ARHGEF28: variants seen among roughly 807,000 people sequenced by gnomAD.
ARHGEF28 encodes Rho guanine nucleotide exchange factor 28, also known as 190 kDa guanine nucleotide exchange factor.
Under a neutral mutation model 206.6 loss-of-function variants are expected in ARHGEF28, and 152 were observed. That is an observed-to-expected ratio of 0.74 (90% CI 0.64 to 0.84). The LOEUF is 0.84. Among genes scored for constraint, ARHGEF28 ranks in the 40% least tolerant of loss-of-function variants. The probability of loss-of-function intolerance (pLI) is 0.00; values close to 1 mark genes in which losing one functional copy is unlikely to be tolerated. For synonymous variants in ARHGEF28, 763 were observed against 776.4 expected (o/e 0.98, Z 0.29); for missense variants, 2,028 against 2,073.2 (o/e 0.98, Z 0.42).
At chr5:73,746,182 T>G (rs991791134) in intron 2 of ARHGEF28, among the ~76,000 whole-genome samples, 4 of 152,102 alleles carry the variant, frequency 2.6e-5, no homozygotes, top group South Asian at 2.1e-4. Flanking sequence ...TTCTAGAATT[T>G]TATTCTAAAA....
At chr5:73,846,060 A>G (rs1758332837) in intron 11 of ARHGEF28, among the ~76,000 whole-genome samples, 1 of 151,874 alleles carries the variant, frequency 6.6e-6, no homozygotes, top group African/African-American at 2.4e-5. Context: ...CTAGGTAGGA[A>G]TGTTCATTCG....
intron 3 of ARHGEF28, among the ~76,000 whole-genome samples, chr5:73,752,175 G>A (rs1580567782): frequency 6.6e-6 from 1 of 152,242 alleles, no homozygotes; most frequent in African/African-American, 2.4e-5. Flanking sequence ...TCTGCCAAGG[G>A]CAGCATAAAA....
intron 4 of ARHGEF28, among the ~76,000 whole-genome samples, chr5:73,769,789 C>A (rs933432956): frequency 1.8e-4 from 28 of 152,116 alleles, no homozygotes; most frequent in Non-Finnish European, 7.4e-5. Context: ...GTTCTGGAGA[C>A]CTTGGTTAAT....
intron 1 of ARHGEF28, among the ~76,000 whole-genome samples, chr5:73,684,479 A>G (rs1043678290): frequency 2.0e-5 from 3 of 152,216 alleles, no homozygotes; most frequent in African/African-American, 4.8e-5. Context: ...CCATCCGTCA[A>G]TGGACATTTG....
intron 1 of ARHGEF28, among the ~76,000 whole-genome samples, chr5:73,656,345 A>C (rs759672073): frequency 3.3e-5 from 5 of 152,204 alleles, no homozygotes; most frequent in Non-Finnish European, 7.4e-5. Flanking sequence ...ATTTCCATCC[A>C]AAACAGAATT....
intron 4 of ARHGEF28, among the ~76,000 whole-genome samples, chr5:73,772,933 G>A (rs1753305687): frequency 6.6e-6 from 1 of 152,198 alleles, no homozygotes; most frequent in Admixed American, 6.5e-5. Context: ...TAGTAAGATA[G>A]CGTTAATATG....
At chr5:73,632,459 T>G (rs1743428747) in intron 1 of ARHGEF28, among the ~76,000 whole-genome samples, 1 of 152,200 alleles carries the variant, frequency 6.6e-6, no homozygotes, top group Non-Finnish European at 1.5e-5. Context: ...TTGAATACCT[T>G]CAGTGATGAG....
intron 2 of ARHGEF28, among the ~76,000 whole-genome samples, chr5:73,740,714 G>T (rs918284062): frequency 2.6e-5 from 4 of 152,088 alleles, no homozygotes; most frequent in Non-Finnish European, 5.9e-5. Flanking sequence ...TGGCATCCTT[G>T]TCCTTTTCCT....
At chr5:73,922,766 T>C (rs1763589715) in intron 35 of ARHGEF28, among the ~76,000 whole-genome samples, 1 of 152,184 alleles carries the variant, frequency 6.6e-6, no homozygotes, top group African/African-American at 2.4e-5. Context: ...AAACTAAAGG[T>C]TTTCAAAGCT....
intron 1 of ARHGEF28, among the ~76,000 whole-genome samples, chr5:73,642,826 C>T (rs1254389788): frequency 6.6e-6 from 1 of 152,164 alleles, no homozygotes; most frequent in Admixed American, 6.5e-5. Context: ...GCTCTAATAT[C>T]TGTTCATGTG....
intron 2 of ARHGEF28, among the ~76,000 whole-genome samples, chr5:73,686,743 C>T (rs1204057415): frequency 2.6e-5 from 4 of 151,686 alleles, no homozygotes; most frequent in African/African-American, 4.8e-5. Flanking sequence ...AGGATGGTCT[C>T]GATCTCCTGA....
chr5:73,926,600 T>C (rs1450784570), intron 35 of ARHGEF28, among the ~76,000 whole-genome samples: 1 of 152,190 alleles, frequency 6.6e-6, no homozygotes, highest in Non-Finnish European at 1.5e-5. Flanking sequence ...GGCCACAGAC[T>C]CCACCCAGAA....
chr5:73,911,849 A>G (rs1417392632), intron 35 of ARHGEF28: 3 of 389,810 alleles, frequency 7.7e-6, no homozygotes, highest in Non-Finnish European at 1.4e-5. Context: ...TGTGGGTTAA[A>G]ATAATAATGT....
chr5:73,816,650 C>T (rs1756228800), intron 9 of ARHGEF28, among the ~76,000 whole-genome samples: 1 of 152,164 alleles, frequency 6.6e-6, no homozygotes, highest in Admixed American at 6.5e-5. Context: ...CTCGCTAATA[C>T]CATATTTCAA....
chr5:73,939,313 G>C (rs1742434080), intron 35 of ARHGEF28, among the ~76,000 whole-genome samples: 1 of 152,186 alleles, frequency 6.6e-6, no homozygotes, highest in South Asian at 2.1e-4. Flanking sequence ...GGCAGTTAGA[G>C]GCACCTTCTG....
intron 22 of ARHGEF28, among the ~76,000 whole-genome samples, chr5:73,882,042 G>T (rs183531834): frequency 5.3e-5 from 8 of 151,262 alleles, no homozygotes; most frequent in Middle Eastern, 3.2e-3. Flanking sequence ...GATTTTTTTG[G>T]GGGGGAGGTT....
At chr5:73,895,278 T>C (rs1580062963) in intron 29 of ARHGEF28, among the ~76,000 whole-genome samples, 1 of 152,156 alleles carries the variant, frequency 6.6e-6, no homozygotes, top group African/African-American at 2.4e-5. Flanking sequence ...GGCAAGGTCA[T>C]TGGAGATGAG....
chr5:73,707,723 T>C (rs1040539400), intron 2 of ARHGEF28, among the ~76,000 whole-genome samples: 1 of 152,158 alleles, frequency 6.6e-6, no homozygotes, highest in African/African-American at 2.4e-5. Context: ...CTTGGAAGAA[T>C]CTCTCTCCAT....
intron 25 of ARHGEF28, 102 bp from the exon 26 acceptor site, chr5:73,887,500 TA>T: frequency 1.1e-6 from 1 of 893,196 alleles, no homozygotes; most frequent in Non-Finnish European, 1.7e-6. Context: ...GGTATTTTTA[TA>T]AAACTTTCAT....
Sources: allele counts gnomAD v4.1 joint callset (sites outside exome capture counted in the v4.1 genomes callset), GRCh38; gene constraint gnomAD v4.1.1; transcripts MANE v1.5; gene names NCBI Gene and HGNC (gene_info 2026-07-23, HGNC 2026-07-21).